FSIP1: variants seen among roughly 807,000 people sequenced by gnomAD.
FSIP1 encodes the protein fibrous sheath-interacting protein 1.
FSIP1 carries 65 observed loss-of-function variants against 60.9 expected under a neutral mutation model. The observed-to-expected ratio is 1.07, with a 90% CI of 0.87 to 1.31. The LOEUF is 1.31. FSIP1 is among the 40% of genes most tolerant of loss of function. FSIP1 has a pLI of 0.00. For missense variants in FSIP1, 675 were observed against 665.5 expected, an observed-to-expected ratio of 1.01 and a Z score of -0.16; for synonymous variants, 209 against 221.2, an observed-to-expected ratio of 0.94 and a Z score of 0.49.
chr15:39,772,650 G>C (rs1380824141), intron 2 of FSIP1, among the ~76,000 whole-genome samples: 3 of 150,636 alleles, frequency 2.0e-5, no homozygotes, highest in Admixed American at 1.3e-4. Context: ...GAGTGCAGTG[G>C]TGCGATATCG....
chr15:39,704,817 G>A (rs527758124), intron 10 of FSIP1, among the ~76,000 whole-genome samples: 4 of 152,130 alleles, frequency 2.6e-5, no homozygotes, highest in Non-Finnish European at 4.4e-5. Flanking sequence ...AGAGCATGTC[G>A]AAATAAGAAT....
chr15:39,662,306 T>A (rs1258259891), intron 10 of FSIP1, among the ~76,000 whole-genome samples: 4 of 152,046 alleles, frequency 2.6e-5, no homozygotes, highest in Non-Finnish European at 4.4e-5. Flanking sequence ...ATAAATGTAA[T>A]CAAGCCCCCC....
chr15:39,750,418 T>C (rs147394653), intron 5 of FSIP1, among the ~76,000 whole-genome samples: 163 of 152,098 alleles, frequency 1.1e-3, no homozygotes, highest in Admixed American at 1.9e-3. Context: ...CAAAACAGTA[T>C]AATACTGGCA....
At chr15:39,703,014 T>C (rs1026484887) in intron 10 of FSIP1, among the ~76,000 whole-genome samples, 2 of 151,556 alleles carry the variant, frequency 1.3e-5, no homozygotes, top group East Asian at 3.9e-4. Flanking sequence ...TGGAGTTTCA[T>C]TCTTGTTGCC....
intron 4 of FSIP1, among the ~76,000 whole-genome samples, chr15:39,764,440 G>T (rs553242592): frequency 7.9e-5 from 12 of 152,086 alleles, no homozygotes; most frequent in Non-Finnish European, 1.8e-4. Flanking sequence ...TCATAAAAAT[G>T]TATTTTTAAT....
At chr15:39,694,522 C>T (rs1405886146) in intron 10 of FSIP1, among the ~76,000 whole-genome samples, 2 of 152,030 alleles carry the variant, frequency 1.3e-5, no homozygotes, top group African/African-American at 2.4e-5. Context: ...CATTTTTGGC[C>T]GGTCATGGTG....
At chr15:39,781,101 C>T (rs1254739311) in intron 1 of FSIP1, among the ~76,000 whole-genome samples, 1 of 152,106 alleles carries the variant, frequency 6.6e-6, no homozygotes, top group African/African-American at 2.4e-5. Flanking sequence ...TGACAAAGGA[C>T]TCATATCCAG....
intron 2 of FSIP1, among the ~76,000 whole-genome samples, chr15:39,773,738 T>C (rs1897963839): frequency 6.6e-6 from 1 of 152,206 alleles, no homozygotes; most frequent in African/African-American, 2.4e-5. Context: ...GTATTAAGTA[T>C]GCTAGGAGAT....
At chr15:39,697,180 G>A (rs1894855649) in intron 10 of FSIP1, among the ~76,000 whole-genome samples, 1 of 152,136 alleles carries the variant, frequency 6.6e-6, no homozygotes, top group Non-Finnish European at 1.5e-5. Context: ...TTCAGAGGCA[G>A]TCAGTGATTA....
At chr15:39,775,370 TA>T (rs1771797458) in intron 2 of FSIP1, among the ~76,000 whole-genome samples, 1 of 152,148 alleles carries the variant, frequency 6.6e-6, no homozygotes, top group South Asian at 2.1e-4. Context: ...ATGAATTCAT[TA>T]ACTTGCCAAA....
chr15:39,742,737 C>T (rs1055681459), intron 5 of FSIP1, among the ~76,000 whole-genome samples: 2 of 152,176 alleles, frequency 1.3e-5, no homozygotes, highest in African/African-American at 4.8e-5. Context: ...TCACCCTCAA[C>T]ACACATTCAC....
At chr15:39,614,137 A>C (rs1891132786) in intron 11 of FSIP1, among the ~76,000 whole-genome samples, 1 of 152,174 alleles carries the variant, frequency 6.6e-6, no homozygotes, top group East Asian at 1.9e-4. Context: ...AAATGAAACT[A>C]TCTCTCTTTG....
chr15:39,619,820 C>T (rs1891376529), intron 10 of FSIP1, among the ~76,000 whole-genome samples: 1 of 152,036 alleles, frequency 6.6e-6, no homozygotes, highest in Admixed American at 6.5e-5. Context: ...ACCAAACATC[C>T]TCATCAAAGC....
At chr15:39,735,979 A>T (rs758006526) in intron 8 of FSIP1, among the ~76,000 whole-genome samples, 21 of 152,284 alleles carry the variant, frequency 1.4e-4, no homozygotes, top group Non-Finnish European at 2.6e-4. Flanking sequence ...GTCATCTCCT[A>T]TGATAACAAT....
At chr15:39,681,529 G>A (rs562494465) in intron 10 of FSIP1, among the ~76,000 whole-genome samples, 10 of 152,212 alleles carry the variant, frequency 6.6e-5, no homozygotes, top group South Asian at 6.2e-4. Flanking sequence ...CAAAGTGCTA[G>A]AGAAATGTAA....
intron 10 of FSIP1, among the ~76,000 whole-genome samples, chr15:39,669,215 G>A (rs762320184): frequency 6.6e-6 from 1 of 152,140 alleles, no homozygotes; most frequent in Non-Finnish European, 1.5e-5. Flanking sequence ...CTGAACAAGG[G>A]TGACAGAAGG....
At chr15:39,676,753 C>T (rs1338232380) in intron 10 of FSIP1, among the ~76,000 whole-genome samples, 1 of 152,116 alleles carries the variant, frequency 6.6e-6, no homozygotes, top group Non-Finnish European at 1.5e-5. Context: ...TCTTCCTGTC[C>T]TAAATATTAA....
At chr15:39,669,426 C>T (rs1893631363) in intron 10 of FSIP1, among the ~76,000 whole-genome samples, 1 of 152,198 alleles carries the variant, frequency 6.6e-6, no homozygotes, top group African/African-American at 2.4e-5. Context: ...GAACCCAAAC[C>T]ATGACACTGT....
At chr15:39,780,351 C>T (rs578078546) in intron 1 of FSIP1, among the ~76,000 whole-genome samples, 33 of 152,158 alleles carry the variant, frequency 2.2e-4, no homozygotes, top group South Asian at 1.0e-3. Context: ...GGTGAAACCC[C>T]GTCTCTACTA....
Sources: gnomAD v4.1 joint callset for allele counts (sites outside exome capture counted in the v4.1 genomes callset) on GRCh38, gnomAD v4.1.1 for gene constraint, MANE v1.5 for transcripts, NCBI Gene and HGNC (gene_info 2026-07-23, HGNC 2026-07-21) for gene names.